Variants in MST1R observed in about 807,000 individuals in gnomAD.
MST1R encodes the protein macrophage-stimulating protein receptor.
A neutral mutation model predicts 117.8 loss-of-function variants in MST1R; 99 were observed. The observed-to-expected ratio is 0.84, with a 90% confidence interval of 0.71 to 0.99. The LOEUF (loss-of-function observed/expected upper bound fraction) is 0.99. MST1R is among the 50% of genes least tolerant of loss of function. MST1R has a pLI of 0.00. For missense variants in MST1R, 1,683 were observed against 1,840.2 expected (o/e 0.91, Z 1.56); for synonymous variants, 734 against 765.3 (o/e 0.96, Z 0.68).
chr3:49,895,079 G>A (rs1434684062), intron 14 of MST1R, 88 bp downstream of exon 14: 3 of 1,436,006 alleles, frequency 2.1e-6, no homozygotes, highest in East Asian at 2.3e-5. Flanking sequence ...CCAAAGTGCT[G>A]GGATTACAGG....
chr3:49,898,128 C>G lies in MST1R; in HGVS notation c.1803G>C (p.Leu601=). 2 of 1,614,090 alleles carry G rather than the reference C, an allele frequency of 1.2e-6. No individual in the cohort carries two copies. The highest frequency in any genetic ancestry group is 1.7e-6 in the Non-Finnish European group (2 of 1,180,034). Residue 601 remains leucine, a synonymous_variant, in exon 5 of 20, where the codon CTG becomes CTC. Transcript: ENST00000296474. ...TGACCTGATGGGTTCCCTCAGGCAC[C>G]AGACCAGAAGGGTGAAGGTAGAAGT... ...GSNFYLHPSG[L]VPEGTHQVTV... is the part of the protein sequence containing the mutation.
In MST1R at chr3:49,902,876, T is replaced by C. The variant is rs373496497; in HGVS notation, c.734A>G (p.Tyr245Cys). Residue 245 changes from tyrosine (Y) to cysteine (C), a missense_variant, in exon 1 of 20, where the codon TAC (tyrosine) becomes TGC (cysteine). Physicochemically the swap from Tyr to Cys is radical, Grantham distance 194. Transcript: ENST00000296474. ...LSVLPKHLVS[Y>C]SIEYVHSFHT... The stretch of plus-strand genomic sequence containing the variant: ...GAAGCTGTGCACGTATTCAATACTG[T>C]AGGAGACAAGATGCTTGGGCAGCAC... 1.9e-6 allele frequency: 3 copies of C among 1,613,438 alleles called. No homozygotes were observed. Among genetic ancestry groups the C allele is most frequent in the African/African-American group, 1.3e-5 (1 of 74,944 alleles).
At chr3:49,900,962 G>A (rs773054524) in intron 1 of MST1R, among the ~76,000 whole-genome samples, 126 of 152,320 alleles carry the variant, frequency 8.3e-4, no homozygotes, top group Non-Finnish European at 1.4e-3. Context: ...AACACTGCAC[G>A]GGGTGATTCA....
In MST1R at chr3:49,897,643, T is replaced by C; in HGVS notation, c.1923A>G (p.Glu641=). The part of the protein sequence containing the change: ...RKDFVEEFEC[E]LEPLGTQAVG... ...CTGCCTGGGTGCCCAAGGGCTCCAG[T>C]TCACACTCAAACTCCTCTACAAAGT... The change falls in exon 6 of 20, where the codon GAA becomes GAG. Residue 641 remains glutamate (E), a synonymous_variant. Coordinates refer to ENST00000296474, the MANE Select transcript of MST1R (RefSeq NM_002447.4). 6.2e-7 allele frequency: 1 copy of C among 1,614,046 alleles called. No individual in the cohort carries two copies. The highest frequency in any genetic ancestry group is 1.1e-5 in the South Asian group (1 of 91,082).
rs757007128 is a variant in MST1R at position 49,891,250 on chromosome 3, C to T, written c.3591G>A (p.Glu1197=). 3 of 1,614,154 alleles carry T rather than the reference C, an allele frequency of 1.9e-6. No homozygotes were observed. Among genetic ancestry groups the T allele is most frequent in the Admixed American group, 1.7e-5 (1 of 60,028 alleles). The change falls in exon 17 of 20, where the codon GAG becomes GAA. Residue 1197 remains glutamate (E), a synonymous_variant. Transcript: ENST00000296474. The part of the protein sequence containing the change: ...SFGLQVARGM[E]YLAEQKFVHR... The stretch of plus-strand genomic sequence containing the variant: ...GCACAAACTTCTGCTCTGCCAGGTA[C>T]TCCATGCCGCGGGCTACCTGCAGGC...
intron 3 of MST1R, 49 bp downstream of exon 3, chr3:49,898,818 T>G: frequency 6.2e-7 from 1 of 1,610,786 alleles, no homozygotes; most frequent in African/African-American, 1.3e-5. Context: ...GGATGGAGAG[T>G]CTGTGATCCC....
At chr3:49,902,059 T>C (rs1323440363) in intron 1 of MST1R, among the ~76,000 whole-genome samples, 2 of 152,022 alleles carry the variant, frequency 1.3e-5, no homozygotes, top group Non-Finnish European at 2.9e-5. Flanking sequence ...GGAGCTATGC[T>C]AACAGAGACA....
chr3:49,892,837 G>C (rs11130223), intron 14 of MST1R, among the ~76,000 whole-genome samples: 10,746 of 151,306 alleles, frequency 0.071, 392 homozygotes, highest in Non-Finnish European at 0.077. Flanking sequence ...GCAGGCCCCT[G>C]TAATCCCAGC....
rs1171070291 is a variant in MST1R, at chr3:49,903,477, C to T, written c.133G>A (p.Val45Met). ...CCTCCGGCGGAGAAGCTGGGCACCA[C>T]GTACTTCACGTCAAAGTCGCGAGAG... is the stretch of plus-strand genomic sequence containing the variant. ...AASRDFDVKYVVPSFSAGGLV... is the reference protein window; with the variant it reads ...AASRDFDVKYMVPSFSAGGLV... Residue 45 changes from valine (V) to methionine (M), a missense_variant, in exon 1 of 20, where the codon GTG becomes ATG. Physicochemically the swap from Val to Met is conservative, Grantham distance 21. Coordinates refer to ENST00000296474, the MANE Select transcript of MST1R (RefSeq NM_002447.4). 4 of 1,612,760 alleles carry T rather than the reference C, an allele frequency of 2.5e-6. No individual in the cohort carries two copies. The highest frequency in any genetic ancestry group is 2.7e-5 in the African/African-American group (2 of 74,960).
intron 14 of MST1R, among the ~76,000 whole-genome samples, chr3:49,894,569 A>G (rs111816721): frequency 0.026 from 4,033 of 152,278 alleles, 145 homozygotes; most frequent in African/African-American, 0.082. Flanking sequence ...CCCTGTCACA[A>G]AAACAAAAAC....
intron 1 of MST1R, among the ~76,000 whole-genome samples, chr3:49,901,948 TG>T (rs1220586656): frequency 8.1e-4 from 3 of 3,710 alleles, no homozygotes; most frequent in Non-Finnish European, 1.8e-3. Flanking sequence ...GTGGCGGGGG[TG>T]GGGGAGGGGA....
chr3:49,903,364 C>A lies in MST1R; in HGVS notation c.246G>T (p.Gly82=). 6.2e-7 allele frequency: 1 copy of A among 1,613,932 alleles called. No homozygotes were observed. The part of the protein sequence containing the change: ...VAIRNRLHVL[G]PDLKSVQSLA... ...GGCTCTGGACAGACTTCAGGTCAGG[C>A]CCAAGCACATGCAGGCGATTGCGTA... Residue 82 remains glycine, a synonymous_variant, in exon 1 of 20, where the codon GGG becomes GGT. Transcript: ENST00000296474.
intron 14 of MST1R, 37 bp downstream of exon 14, chr3:49,895,130 A>C (rs2082422970): frequency 6.2e-7 from 1 of 1,609,814 alleles, no homozygotes; most frequent in Non-Finnish European, 8.5e-7. Context: ...TCATCTTGAG[A>C]CTCCATCTCT....
At position 49,899,248 on chromosome 3, in the gene MST1R, G is replaced by C. The variant is rs2082586567; in HGVS notation, c.1246C>G (p.Leu416Val). ...TGGCGGCAGCTGGTGTTGGGGCTGA[G>C]GGCTTCCAGGCCAGGCTGGGAAAGG... ...FCPNPPGLEA[L>V]SPNTSCRHFP... Residue 416 changes from leucine (L) to valine (V), a missense_variant, in exon 2 of 20, where the codon CTC (leucine) becomes GTC (valine). Coordinates refer to ENST00000296474, the MANE Select transcript of MST1R (RefSeq NM_002447.4). 6.2e-7 allele frequency: 1 copy of C among 1,613,918 alleles called. No individual in the cohort carries two copies. The highest frequency in any genetic ancestry group is 1.3e-5 in the African/African-American group (1 of 74,928).
chr3:49,899,059 G>C lies in MST1R; in HGVS notation c.1419+16C>G. ...CAAGGACCCAGGGCTAGGGGACTGT[G>C]GGGATGAGGACCCACCTGCAGGATA... On this transcript the variant is annotated intron_variant, in intron 2 of 19. Coordinates refer to ENST00000296474, the MANE Select transcript of MST1R (RefSeq NM_002447.4). The C allele has an allele frequency of 6.2e-7, 1 of 1,614,110 alleles. No homozygotes were observed. Among genetic ancestry groups the C allele is most frequent in the Non-Finnish European group, 8.5e-7 (1 of 1,180,040 alleles).
At chr3:49,891,055 G>T (rs1047085670) in intron 17 of MST1R, 142 bp downstream of exon 17, 1 of 757,278 alleles carries the variant, frequency 1.3e-6, no homozygotes, top group Non-Finnish European at 2.2e-6. Flanking sequence ...TCCAGTCCAA[G>T]TCTGCACTGG....
chr3:49,893,617 A>T (rs2082377605), intron 14 of MST1R, among the ~76,000 whole-genome samples: 1 of 149,838 alleles, frequency 6.7e-6, no homozygotes, highest in Non-Finnish European at 1.5e-5. Flanking sequence ...AAAATAAAAT[A>T]GGCCGGGCGC....
chr3:49,891,876 C>G (rs1271579929), intron 14 of MST1R, 38 bp from the exon 15 acceptor site: 31 of 1,588,322 alleles, frequency 2.0e-5, no homozygotes, highest in Non-Finnish European at 2.6e-5. Context: ...GAGAGGGGAT[C>G]CAGGGCCCAA....
rs56204949 is a variant in MST1R, at chr3:49,903,379, G to T, written c.231C>A (p.Arg77=). ...ESAVFVAIRN[R]LHVLGPDLKS... ...TCAGGTCAGGCCCAAGCACATGCAG[G>T]CGATTGCGTATGGCTACAAACACAG... The change falls in exon 1 of 20, where the codon CGC becomes CGA. Residue 77 remains arginine (R), a synonymous_variant. Transcript: ENST00000296474. 17,759 of 1,614,014 alleles carry T rather than the reference G, an allele frequency of 0.011. 225 individuals are homozygous for T. The highest frequency in any genetic ancestry group is 0.047 in the South Asian group (4,268 of 91,092).
Sources: allele counts gnomAD v4.1 joint callset (sites outside exome capture counted in the v4.1 genomes callset), GRCh38; gene constraint gnomAD v4.1.1; transcripts MANE v1.5; gene names NCBI Gene and HGNC (gene_info 2026-07-23, HGNC 2026-07-21).